DNAH14: variants seen among roughly 807,000 people sequenced by gnomAD.
DNAH14 encodes the protein axonemal beta dynein heavy chain 14.
A neutral mutation model predicts 520.9 loss-of-function variants in DNAH14; 478 were observed. That is an observed-to-expected ratio of 0.92 (90% CI 0.85 to 0.99). The LOEUF (loss-of-function observed/expected upper bound fraction) is 0.99. DNAH14 is among the 50% of genes least tolerant of loss of function. The probability of loss-of-function intolerance (pLI) is 0.00; values close to 1 mark genes in which losing one functional copy is unlikely to be tolerated. For missense variants in DNAH14, 4,831 were observed against 5,234.5 expected (o/e 0.92, Z 2.38); for synonymous variants, 1,581 against 1,757.2 (o/e 0.90, Z 2.51).
chr1:224,973,202 T>G (rs2061604463), intron 7 of DNAH14, among the ~76,000 whole-genome samples: 1 of 152,236 alleles, frequency 6.6e-6, no homozygotes, highest in Non-Finnish European at 1.5e-5. Context: ...CTCTTTGAAC[T>G]GCTTGGATGG....
intron 17 of DNAH14, among the ~76,000 whole-genome samples, chr1:225,060,321 G>A (rs1572778561): frequency 6.6e-6 from 1 of 152,030 alleles, no homozygotes; most frequent in East Asian, 1.9e-4. Flanking sequence ...ACTGAGGCTT[G>A]TGCATTCGTC....
chr1:225,326,946 T>C (rs1182287120), intron 64 of DNAH14, among the ~76,000 whole-genome samples: 1 of 152,018 alleles, frequency 6.6e-6, no homozygotes, highest in Non-Finnish European at 1.5e-5. Flanking sequence ...ACAGAGAACC[T>C]GAACAACTCA....
intron 41 of DNAH14, 137 bp downstream of exon 41, chr1:225,207,357 C>T (rs2087720254): frequency 3.6e-6 from 3 of 826,248 alleles, no homozygotes; most frequent in Non-Finnish European, 5.2e-6. Context: ...CAGATATGCA[C>T]ATGGAACAAA....
chr1:225,215,999 A>G (rs11487469), intron 41 of DNAH14, among the ~76,000 whole-genome samples: 7 of 152,052 alleles, frequency 4.6e-5, no homozygotes, highest in Non-Finnish European at 1.0e-4. Flanking sequence ...CTCAATGGTC[A>G]TTACAATTTG....
At chr1:225,185,596 G>T (rs570580175) in intron 37 of DNAH14, among the ~76,000 whole-genome samples, 171 bp downstream of exon 37, 8 of 151,980 alleles carry the variant, frequency 5.3e-5, no homozygotes, top group African/African-American at 1.7e-4. Context: ...ATCTCAAACT[G>T]ATCATTACTA....
intron 5 of DNAH14, among the ~76,000 whole-genome samples, chr1:224,965,349 C>A (rs139470579): frequency 6.6e-6 from 1 of 152,188 alleles, no homozygotes; most frequent in African/African-American, 2.4e-5. Context: ...CAGAGCCTTG[C>A]AATCTGTATT....
At chr1:225,220,739 A>G (rs1308136358) in intron 41 of DNAH14, among the ~76,000 whole-genome samples, 27 of 152,332 alleles carry the variant, frequency 1.8e-4, no homozygotes, top group African/African-American at 6.3e-4. Context: ...AAAATAATTT[A>G]TAGATTCAAT....
chr1:225,145,236 G>C (rs2079826574), intron 29 of DNAH14, 90 bp from the exon 30 acceptor site: 1 of 1,050,678 alleles, frequency 9.5e-7, no homozygotes, highest in African/African-American at 1.6e-5. Flanking sequence ...TTTCTCAAAA[G>C]CATAAAGACA....
At chr1:225,050,869 T>A (rs1005221098) in intron 16 of DNAH14, among the ~76,000 whole-genome samples, 8 of 152,198 alleles carry the variant, frequency 5.3e-5, no homozygotes, top group Admixed American at 1.3e-4. Context: ...GGTTTCTAGA[T>A]GAAACTGTTC....
chr1:225,021,237 A>T (rs184243984), intron 10 of DNAH14, among the ~76,000 whole-genome samples: 204 of 152,324 alleles, frequency 1.3e-3, no homozygotes, highest in African/African-American at 4.5e-3. Flanking sequence ...GATAACTGGA[A>T]CAAGAGAAGG....
At chr1:224,951,025 T>C (rs1309950899) in intron 1 of DNAH14, among the ~76,000 whole-genome samples, 2 of 152,204 alleles carry the variant, frequency 1.3e-5, no homozygotes, top group Non-Finnish European at 2.9e-5. Flanking sequence ...ACTCTTTGGC[T>C]CTTTTTATTT....
chr1:225,231,075 G>A lies in DNAH14; in HGVS notation c.6442G>A (p.Asp2148Asn). 3.9e-6 allele frequency: 6 copies of A among 1,545,522 alleles called. No homozygotes were observed. The highest frequency in any genetic ancestry group is 5.2e-6 in the Non-Finnish European group (6 of 1,144,294). Residue 2148 changes from aspartate (D) to asparagine (N), a missense_variant and splice_region_variant, in exon 42 of 86, where the codon GAT becomes AAT. Asp to Asn is a conservative substitution (Grantham distance 23). Transcript: ENST00000682510. ...MGKNGGFEQSDDLNDTSSKEA... is the reference protein window; with the variant it reads ...MGKNGGFEQSNDLNDTSSKEA... Reference sequence around the variant, plus strand: ...AAAAATACTCTTTCCTTTTTAAGGTGATGATTTGAATGACACGTCATCTAA... The same window carrying A: ...AAAAATACTCTTTCCTTTTTAAGGTAATGATTTGAATGACACGTCATCTAA...
rs139433456 is a variant in DNAH14, at chr1:225,136,401, C to T, written c.4255-4367C>T. On this transcript the variant is annotated intron_variant, in intron 27 of 85. Coordinates refer to ENST00000682510, the MANE Select transcript of DNAH14 (RefSeq NM_001367479.1). ...TTTTCTGAAAAGGATCTTCTTTCACCTTTGCTTATGAAGCTTAGTTTGGCC... is the reference window on the plus strand; with the variant it reads ...TTTTCTGAAAAGGATCTTCTTTCACTTTTGCTTATGAAGCTTAGTTTGGCC... Among the ~76,000 whole-genome samples the T allele has an allele frequency of 3.6e-3, 553 of 152,236 alleles. 6 individuals are homozygous for T. Among genetic ancestry groups the T allele is most frequent in the African/African-American group, 0.013 (523 of 41,540 alleles).
chr1:225,259,282 T>G, intron 46 of DNAH14, 29 bp downstream of exon 46: 1 of 1,337,304 alleles, frequency 7.5e-7, no homozygotes. Flanking sequence ...TAAATTTGAT[T>G]TGTCTGATTT....
At chr1:224,971,402 A>G (rs1376259113) in intron 7 of DNAH14, among the ~76,000 whole-genome samples, 3 of 152,206 alleles carry the variant, frequency 2.0e-5, no homozygotes, top group Admixed American at 6.5e-5. Flanking sequence ...TGACAGAGAA[A>G]TTAATTATTG....
intron 35 of DNAH14, among the ~76,000 whole-genome samples, chr1:225,164,995 G>A (rs569257444): frequency 1.3e-5 from 2 of 151,978 alleles, no homozygotes; most frequent in South Asian, 4.2e-4. Context: ...TTATTCCTCT[G>A]TTTGAGTACT....
rs2093001101 is a variant in DNAH14 at position 225,263,245 on chromosome 1, T to G, written c.7158-952T>G. On this transcript the variant is annotated intron_variant, in intron 46 of 85. Coordinates refer to ENST00000682510, the MANE Select transcript of DNAH14 (RefSeq NM_001367479.1). ...ATGTATATATACATATATATACACA[T>G]ATATATACATGTATATATATAATAC... 2.0e-5 allele frequency among the ~76,000 whole-genome samples: 3 copies of G among 150,856 alleles called. No individual in the cohort carries two copies. The South Asian group carries it at 6.3e-4, about 32-fold the overall frequency.
intron 69 of DNAH14, 75 bp from the exon 70 acceptor site, chr1:225,345,887 A>G (rs1280519828): frequency 1.6e-6 from 2 of 1,266,402 alleles, no homozygotes; most frequent in Non-Finnish European, 1.1e-6. Context: ...CCTTACACAA[A>G]GAGTGCAGAG....
chr1:225,209,146 TA>T (rs1165860405), intron 41 of DNAH14, among the ~76,000 whole-genome samples: 2 of 152,214 alleles, frequency 1.3e-5, no homozygotes, highest in Non-Finnish European at 2.9e-5. Context: ...TTCTTATTTT[TA>T]TGTCTCATAA....
Sources: gnomAD v4.1 joint callset for allele counts (sites outside exome capture counted in the v4.1 genomes callset) on GRCh38, gnomAD v4.1.1 for gene constraint, MANE v1.5 for transcripts, NCBI Gene and HGNC (gene_info 2026-07-23, HGNC 2026-07-21) for gene names.